SCGN: variants seen among roughly 807,000 people sequenced by gnomAD.
The protein encoded by SCGN is secretagogin.
In SCGN, 30 loss-of-function variants were observed where a neutral mutation model predicts 39.7. That is an observed-to-expected ratio of 0.76 (90% CI 0.57 to 1.03). The LOEUF (loss-of-function observed/expected upper bound fraction) is 1.03, where lower values mean the gene tolerates loss of function less well. Among genes scored for constraint, SCGN ranks in the 50% least tolerant of loss-of-function variants. The pLI is 0.00. For missense variants in SCGN, 353 were observed against 349.4 expected (o/e 1.01, Z -0.08); for synonymous variants, 106 against 114.1 (o/e 0.93, Z 0.45).
At chr6:25,657,216 G>T (rs1292917771) in intron 2 of SCGN, among the ~76,000 whole-genome samples, 1 of 152,076 alleles carries the variant, frequency 6.6e-6, no homozygotes, top group Non-Finnish European at 1.5e-5. Flanking sequence ...CTTCCACAGA[G>T]AATAAAAAAA....
chr6:25,660,194 A>G (rs1760312939), intron 2 of SCGN, among the ~76,000 whole-genome samples: 1 of 152,188 alleles, frequency 6.6e-6, no homozygotes, highest in African/African-American at 2.4e-5. Flanking sequence ...CTGGCAGTCC[A>G]AAAATGTTTA....
intron 10 of SCGN, among the ~76,000 whole-genome samples, chr6:25,700,633 A>G (rs1759899452): frequency 6.6e-6 from 1 of 152,206 alleles, no homozygotes; most frequent in Non-Finnish European, 1.5e-5. Context: ...TTGTTAAAGC[A>G]TTCCTCACTT....
At chr6:25,689,614 C>A (rs1011161005) in intron 9 of SCGN, 82 bp downstream of exon 9, 5 of 1,166,058 alleles carry the variant, frequency 4.3e-6, no homozygotes, top group Admixed American at 1.8e-5. Flanking sequence ...TCTTACCCAA[C>A]AGACCCTAAA....
chr6:25,665,493 T>C (rs1040782859), intron 4 of SCGN, among the ~76,000 whole-genome samples: 2 of 152,234 alleles, frequency 1.3e-5, no homozygotes, highest in African/African-American at 2.4e-5. Flanking sequence ...ATTAGAGTGC[T>C]GGTCCAGCTA....
chr6:25,689,279 A>T, intron 8 of SCGN, 62 bp downstream of exon 8: 1 of 1,334,624 alleles, frequency 7.5e-7, no homozygotes, highest in Non-Finnish European at 1.1e-6. Flanking sequence ...GGATTTGAGC[A>T]GGAAAGAAGA....
At chr6:25,658,784 C>T (rs1454909188) in intron 2 of SCGN, among the ~76,000 whole-genome samples, 1 of 138,714 alleles carries the variant, frequency 7.2e-6, no homozygotes, top group African/African-American at 2.8e-5. Flanking sequence ...TATTTATCAT[C>T]ATTTGCAGCA....
chr6:25,681,304 A>G (rs772821283), intron 6 of SCGN, among the ~76,000 whole-genome samples: 4 of 152,210 alleles, frequency 2.6e-5, no homozygotes, highest in Non-Finnish European at 5.9e-5. Flanking sequence ...AGAGTACCCT[A>G]TGATATGAGC....
At chr6:25,660,185 T>C (rs2151377360) in intron 2 of SCGN, among the ~76,000 whole-genome samples, 1 of 152,346 alleles carries the variant, frequency 6.6e-6, no homozygotes. Context: ...ATCCTCTGGC[T>C]GGCAGTCCAA....
At position 25,701,267 on chromosome 6, in the gene SCGN, G is replaced by C. The variant is rs200081828; in HGVS notation, c.763G>C (p.Val255Leu). Residue 255 changes from valine to leucine, a missense_variant, in exon 11 of 11, where the codon GTG (valine) becomes CTG (leucine). Physicochemically the swap from Val to Leu is conservative, Grantham distance 32. Coordinates refer to ENST00000377961, the MANE Select transcript of SCGN (RefSeq NM_006998.4). ...CGAGATTCTCCTGCGTCACTGCGACGTGAACAAGGATGGAAAAATTCAGAA... is the reference window on the plus strand; with the variant it reads ...CGAGATTCTCCTGCGTCACTGCGACCTGAACAAGGATGGAAAAATTCAGAA... ...FREILLRHCD[V>L]NKDGKIQKSE... The C allele has an allele frequency of 5.6e-6, 9 of 1,613,586 alleles. No homozygotes were observed. The highest frequency in any genetic ancestry group is 2.5e-6 in the Non-Finnish European group (3 of 1,179,860).
chr6:25,686,547 T>G (rs998429164), intron 7 of SCGN, among the ~76,000 whole-genome samples: 2 of 152,206 alleles, frequency 1.3e-5, no homozygotes, highest in East Asian at 3.8e-4. Context: ...TTGGGCGATT[T>G]GTCCTTTTGT....
intron 10 of SCGN, among the ~76,000 whole-genome samples, chr6:25,697,087 T>C (rs1180296189): frequency 6.6e-6 from 1 of 152,196 alleles, no homozygotes; most frequent in Non-Finnish European, 1.5e-5. Flanking sequence ...CTAGGAGACT[T>C]CCCAGTATCT....
At position 25,670,072 on chromosome 6, in the gene SCGN, C is replaced by T. The variant is rs1331407739; in HGVS notation, c.467C>T (p.Thr156Ile). ...GCTAAACTGGAAGAATACACTGGCA[C>T]CATGGTAAGTAATGAGTAATGTAAT... ...SEAKLEEYTG[T>I]MMKIFDRNKD... Residue 156 changes from threonine to isoleucine, a missense_variant, in exon 6 of 11, where the codon ACC (threonine) becomes ATC (isoleucine). Coordinates refer to ENST00000377961, the MANE Select transcript of SCGN (RefSeq NM_006998.4). The T allele has an allele frequency of 5.0e-6, 8 of 1,607,898 alleles. No individual in the cohort carries two copies. The Admixed American group carries it at 1.2e-4, about 23-fold the overall frequency.
intron 10 of SCGN, among the ~76,000 whole-genome samples, chr6:25,693,447 G>A (rs4513787): frequency 0.63 from 76,088 of 120,744 alleles, 23,012 homozygotes; most frequent in African/African-American, 0.71. Flanking sequence ...GCGAGACTCC[G>A]TCTCAAAAAA....
intron 9 of SCGN, among the ~76,000 whole-genome samples, chr6:25,689,737 A>T (rs1424091873): frequency 3.9e-5 from 6 of 152,118 alleles, no homozygotes; most frequent in Non-Finnish European, 8.8e-5. Flanking sequence ...CATGGTTGAG[A>T]AGAGAAAAAA....
At chr6:25,653,719 G>A (rs1352252476) in intron 2 of SCGN, among the ~76,000 whole-genome samples, 1 of 152,162 alleles carries the variant, frequency 6.6e-6, no homozygotes, top group Admixed American at 6.5e-5. Context: ...AGTTAACTTG[G>A]TCTTGAACGT....
intron 6 of SCGN, among the ~76,000 whole-genome samples, chr6:25,676,005 C>T (rs1759559001): frequency 6.6e-6 from 1 of 152,206 alleles, no homozygotes; most frequent in South Asian, 2.1e-4. Context: ...AATTGAAATT[C>T]TGACCTTTCC....
chr6:25,657,536 T>C (rs1760248924), intron 2 of SCGN, among the ~76,000 whole-genome samples: 1 of 151,906 alleles, frequency 6.6e-6, no homozygotes, highest in Non-Finnish European at 1.5e-5. Context: ...TCTTCTTGGG[T>C]CCTTAGTTTT....
At chr6:25,699,536 G>A (rs897719481) in intron 10 of SCGN, among the ~76,000 whole-genome samples, 1 of 147,030 alleles carries the variant, frequency 6.8e-6, no homozygotes, top group Non-Finnish European at 1.5e-5. Flanking sequence ...GTTGCAATGA[G>A]CTGAGATGGC....
Position 25,661,563 on chromosome 6 carries a change from G to T in SCGN, c.165G>T (p.Met55Ile). Residue 55 changes from methionine to isoleucine, a missense_variant, in exon 3 of 11, where the codon ATG becomes ATT. Coordinates refer to ENST00000377961, the MANE Select transcript of SCGN (RefSeq NM_006998.4). ...TTGGTCAATTGCAGGACACGGTCAT[G>T]AAAGCAAATTTGCACAAGGTGAAAC... ...LMKLGTDDTV[M>I]KANLHKVKQQ... is the part of the protein sequence containing the mutation. 1 of 1,613,244 alleles carries T rather than the reference G, an allele frequency of 6.2e-7. No homozygotes were observed. Among genetic ancestry groups the T allele is most frequent in the East Asian group, 2.2e-5 (1 of 44,848 alleles).
Sources: gnomAD v4.1 joint callset for allele counts (sites outside exome capture counted in the v4.1 genomes callset) on GRCh38, gnomAD v4.1.1 for gene constraint, MANE v1.5 for transcripts, NCBI Gene and HGNC (gene_info 2026-07-23, HGNC 2026-07-21) for gene names.